The following TAFA1 variants were observed in gnomAD, a reference collection of about 807,000 sequenced individuals.
TAFA1 encodes the protein chemokine-like protein TAFA-1.
TAFA1 carries 4 observed loss-of-function variants against 18.5 expected under a neutral mutation model. That is an observed-to-expected ratio of 0.22 (90% CI 0.11 to 0.49). TAFA1 has a LOEUF of 0.49. Ranked by LOEUF, TAFA1 falls within the 20% of genes least tolerant of loss-of-function variation. The pLI is 0.98. For synonymous variants in TAFA1, 56 were observed against 55.2 expected, an observed-to-expected ratio of 1.01 and a Z score of -0.06; for missense variants, 147 against 169.0, an observed-to-expected ratio of 0.87 and a Z score of 0.72.
intron 3 of TAFA1, among the ~76,000 whole-genome samples, chr3:68,456,181 A>G (rs1021779056): frequency 2.6e-5 from 4 of 152,190 alleles, no homozygotes; most frequent in African/African-American, 7.2e-5. Flanking sequence ...CTTGCACAAC[A>G]AAAAGCCTGG....
intron 2 of TAFA1, among the ~76,000 whole-genome samples, chr3:68,386,994 C>G (rs960789249): frequency 3.9e-5 from 6 of 152,012 alleles, no homozygotes; most frequent in African/African-American, 1.2e-4. Flanking sequence ...ATCTAGATTG[C>G]TAGTGTGCTC....
intron 3 of TAFA1, 126 bp downstream of exon 3, chr3:68,417,546 A>G (rs2070863950): frequency 1.2e-6 from 1 of 864,914 alleles, no homozygotes; most frequent in Non-Finnish European, 1.8e-6. Flanking sequence ...AGAAAGTTAT[A>G]CAATTGCCAG....
chr3:68,203,836 T>A (rs908212223), intron 2 of TAFA1, among the ~76,000 whole-genome samples: 2 of 151,640 alleles, frequency 1.3e-5, no homozygotes, highest in Admixed American at 6.6e-5. Flanking sequence ...CTGGTATATT[T>A]CAAAATGGTT....
chr3:68,214,052 T>A (rs1447245674), intron 2 of TAFA1, among the ~76,000 whole-genome samples: 1 of 152,090 alleles, frequency 6.6e-6, no homozygotes, highest in Non-Finnish European at 1.5e-5. Context: ...CTGGGCTGTG[T>A]CAAAGCTGTT....
At chr3:68,510,665 G>A (rs1012199728) in intron 3 of TAFA1, among the ~76,000 whole-genome samples, 5 of 152,068 alleles carry the variant, frequency 3.3e-5, no homozygotes, top group Non-Finnish European at 7.4e-5. Flanking sequence ...AGGATAAACT[G>A]AGACTCAAAA....
intron 3 of TAFA1, among the ~76,000 whole-genome samples, chr3:68,481,773 G>A (rs928487218): frequency 2.0e-4 from 31 of 152,048 alleles, no homozygotes; most frequent in African/African-American, 7.2e-4. Context: ...TTAGAGATTT[G>A]TCTCTAAATC....
intron 2 of TAFA1, among the ~76,000 whole-genome samples, chr3:68,267,974 TA>T (rs1461295277): frequency 6.6e-6 from 1 of 152,176 alleles, no homozygotes; most frequent in East Asian, 1.9e-4. Context: ...GAGTTTTTCT[TA>T]GTCATGAACT....
At chr3:68,101,477 C>CAT (rs1240344510) in intron 2 of TAFA1, among the ~76,000 whole-genome samples, 1 of 151,814 alleles carries the variant, frequency 6.6e-6, no homozygotes, top group Non-Finnish European at 1.5e-5. Context: ...ATGTGGCACA[C>CAT]ATATACCATG....
chr3:68,008,068 G>A lies in TAFA1; in HGVS notation c.118+1324G>A, dbSNP rs541382135. Reference sequence around the variant, plus strand: ...GCTTGTGCTAGGGGCTGAGGCTGGGGGCTGTTTCTGGGCCCTGCCACCCTG... The same window carrying A: ...GCTTGTGCTAGGGGCTGAGGCTGGGAGCTGTTTCTGGGCCCTGCCACCCTG... On this transcript the variant is annotated intron_variant, in intron 2 of 4. Coordinates refer to ENST00000478136, the MANE Select transcript of TAFA1 (RefSeq NM_213609.4). Among the ~76,000 whole-genome samples, 3 of 152,340 alleles carry A rather than the reference G, an allele frequency of 2.0e-5. No individual in the cohort carries two copies. The East Asian group carries it at 5.8e-4, about 29-fold the overall frequency.
intron 2 of TAFA1, among the ~76,000 whole-genome samples, chr3:68,255,568 G>A (rs955179789): frequency 2.0e-5 from 3 of 152,010 alleles, no homozygotes; most frequent in African/African-American, 7.2e-5. Flanking sequence ...GCTAAATGTT[G>A]TCTCTATGTC....
intron 2 of TAFA1, among the ~76,000 whole-genome samples, chr3:68,103,296 G>A (rs899385003): frequency 6.6e-6 from 1 of 152,216 alleles, no homozygotes; most frequent in East Asian, 1.9e-4. Flanking sequence ...GCAGGCTGCA[G>A]GAAGGGCTGA....
intron 2 of TAFA1, among the ~76,000 whole-genome samples, chr3:68,063,749 A>G (rs1392995670): frequency 3.3e-5 from 5 of 152,188 alleles, no homozygotes; most frequent in African/African-American, 1.2e-4. Context: ...ATCTTATTAT[A>G]TCACACATTT....
chr3:68,098,025 A>G (rs1011575894), intron 2 of TAFA1, among the ~76,000 whole-genome samples: 6 of 152,184 alleles, frequency 3.9e-5, no homozygotes, highest in Non-Finnish European at 8.8e-5. Context: ...AATTATGCAT[A>G]TGATGCTCTT....
chr3:68,521,856 G>GGTTTTTT (rs2073029475), intron 3 of TAFA1, among the ~76,000 whole-genome samples: 2 of 70,848 alleles, frequency 2.8e-5, no homozygotes, highest in Non-Finnish European at 2.4e-5. Context: ...GTTTTTTTCT[G>GGTTTTTT]TTTTTTTTTT....
At chr3:68,077,897 G>A (rs1236977114) in intron 2 of TAFA1, among the ~76,000 whole-genome samples, 1 of 151,152 alleles carries the variant, frequency 6.6e-6, no homozygotes, top group Non-Finnish European at 1.5e-5. Flanking sequence ...AAATTACCTT[G>A]GGCAGTATGG....
At chr3:68,492,997 T>C (rs73837651) in intron 3 of TAFA1, among the ~76,000 whole-genome samples, 16,948 of 152,166 alleles carry the variant, frequency 0.11, 2,023 homozygotes, top group African/African-American at 0.29. Context: ...TATTGTAAAA[T>C]ACACATACCA....
chr3:68,074,612 C>A (rs962588525), intron 2 of TAFA1, among the ~76,000 whole-genome samples: 1 of 152,052 alleles, frequency 6.6e-6, no homozygotes, highest in East Asian at 1.9e-4. Context: ...AACTTGTAAC[C>A]CTGACTGTGA....
chr3:68,279,849 G>C (rs569103529), intron 2 of TAFA1, among the ~76,000 whole-genome samples: 14 of 152,236 alleles, frequency 9.2e-5, no homozygotes, highest in South Asian at 8.3e-4. Context: ...ATGCCACCTA[G>C]AGAACCATAA....
chr3:68,173,189 CAAAG>C (rs772014940), intron 2 of TAFA1, among the ~76,000 whole-genome samples: 9 of 151,702 alleles, frequency 5.9e-5, no homozygotes, highest in Non-Finnish European at 1.3e-4. Context: ...GAAAAAAAAT[CAAAG>C]AAAACACAAG....
Sources: gnomAD v4.1 joint callset for allele counts (sites outside exome capture counted in the v4.1 genomes callset) on GRCh38, gnomAD v4.1.1 for gene constraint, MANE v1.5 for transcripts, NCBI Gene and HGNC (gene_info 2026-07-23, HGNC 2026-07-21) for gene names.